Variants in FCGR3A observed in about 807,000 individuals in gnomAD.
The protein encoded by FCGR3A is low affinity immunoglobulin gamma Fc region receptor III-A.
Under a neutral mutation model 24.1 loss-of-function variants are expected in FCGR3A, and 13 were observed. That is an observed-to-expected ratio of 0.54 (90% CI 0.35 to 0.86). The LOEUF (loss-of-function observed/expected upper bound fraction) is 0.86, where lower values mean the gene tolerates loss of function less well. FCGR3A is among the 40% of genes least tolerant of loss of function. The pLI is 0.01. For missense variants in FCGR3A, 235 were observed against 298.0 expected, an observed-to-expected ratio of 0.79 and a Z score of 1.56; for synonymous variants, 93 against 112.2, an observed-to-expected ratio of 0.83 and a Z score of 1.08.
At chr1:161,546,944 A>C (rs12731677) in intron 3 of FCGR3A, among the ~76,000 whole-genome samples, 2 of 151,948 alleles carry the variant, frequency 1.3e-5, no homozygotes, top group African/African-American at 2.4e-5. Context: ...AACAAACAAA[A>C]AAAGAAGTAA....
At chr1:161,549,395 G>A (rs1346309463) in intron 1 of FCGR3A, among the ~76,000 whole-genome samples, 1 of 152,054 alleles carries the variant, frequency 6.6e-6, no homozygotes, top group Non-Finnish European at 1.5e-5. Context: ...ACCCTGGAAT[G>A]TCAAACTGAA....
chr1:161,544,908 T>G lies in FCGR3A; in HGVS notation c.370A>C (p.Ile124Leu), dbSNP rs750026998. The G allele has an allele frequency of 2.5e-6, 4 of 1,613,258 alleles. No individual in the cohort carries two copies. The highest frequency in any genetic ancestry group is 3.4e-6 in the Non-Finnish European group (4 of 1,179,516). The change falls in exon 4 of 5, where the codon ATT becomes CTT. Residue 124 changes from isoleucine to leucine, a missense_variant. Ile to Leu is a conservative substitution (Grantham distance 5, BLOSUM62 2). Transcript: ENST00000443193. ...TTCCAGCTGTGACACCTCAGGTGAA[T>G]AGGGTCTTCCTCCTTGAACACCCAC... ...PRWVFKEEDP[I>L]HLRCHSWKNT...
chr1:161,548,247 C>T, intron 3 of FCGR3A, among the ~76,000 whole-genome samples, 174 bp downstream of exon 3: 1 of 152,296 alleles, frequency 6.6e-6, no homozygotes, highest in East Asian at 1.9e-4. Flanking sequence ...TGACATTTTG[C>T]CCAAGACCTA....
At chr1:161,550,086 C>T (rs537294345), upstream of FCGR3A, 444 of 576,660 alleles carry the variant, frequency 7.7e-4, no homozygotes, top group Non-Finnish European at 7.6e-4. Context: ...GGATTTGGAT[C>T]CACCCAGCAC....
chr1:161,546,221 C>A (rs6672453), intron 3 of FCGR3A, among the ~76,000 whole-genome samples: 16,098 of 151,960 alleles, frequency 0.11, 932 homozygotes, highest in Middle Eastern at 0.18. Context: ...TATCATTTAT[C>A]AAAAGAAGCC....
In FCGR3A at chr1:161,544,934, C is replaced by G; in HGVS notation, c.344G>C (p.Arg115Pro). ...AGGGTCTTCCTCCTTGAACACCCACCGAGGGGCCTGGAGCAACAGCCAGCC... is the reference window on the plus strand; with the variant it reads ...AGGGTCTTCCTCCTTGAACACCCACGGAGGGGCCTGGAGCAACAGCCAGCC... ...HIGWLLLQAP[R>P]WVFKEEDPIH... Residue 115 changes from arginine (R) to proline (P), a missense_variant, in exon 4 of 5, where the codon CGG becomes CCG. Transcript: ENST00000443193. 1 of 1,611,402 alleles carries G rather than the reference C, an allele frequency of 6.2e-7. No homozygotes were observed. Among genetic ancestry groups the G allele is most frequent in the Non-Finnish European group, 8.5e-7 (1 of 1,178,118 alleles).
At chr1:161,549,831 GC>G (rs760309582), upstream of FCGR3A, 4 of 1,613,330 alleles carry the variant, frequency 2.5e-6, no homozygotes, top group Admixed American at 6.7e-5. Context: ...CCTTTCCCCA[GC>G]CCCTCCACCC....
At chr1:161,548,702 G>T in intron 2 of FCGR3A, 24 bp from the exon 3 acceptor site, 4 of 1,613,688 alleles carry the variant, frequency 2.5e-6, no homozygotes, top group East Asian at 2.2e-5. Flanking sequence ...ATAATGTGGG[G>T]TGAGGACAGG....
chr1:161,542,972 T>G lies in FCGR3A; in HGVS notation c.*40A>C. 1 of 1,510,440 alleles carries G rather than the reference T, an allele frequency of 6.6e-7. No individual in the cohort carries two copies. The highest frequency in any genetic ancestry group is 9.0e-7 in the Non-Finnish European group (1 of 1,106,012). 93.6% of individuals were successfully genotyped at this position (1,510,440 alleles called of 1,614,324 possible). A position where few individuals can be genotyped will look rare whatever the true frequency, so the allele number is the denominator to read the frequency against. The stretch of plus-strand genomic sequence containing the variant: ...GCAAATCCAGAGAAATGTTCAGAGA[T>G]GCTGCTGCTACTGCTCTTATTACCC... On this transcript the variant is annotated 3_prime_UTR_variant, in exon 5 of 5. Coordinates refer to ENST00000443193, the MANE Select transcript of FCGR3A (RefSeq NM_000569.8).
In FCGR3A at chr1:161,546,203, T is replaced by G. The variant is rs570899579; in HGVS notation, c.320-1245A>C. On this transcript the variant is annotated intron_variant, in intron 3 of 4. Transcript: ENST00000443193. ...AACAGAAAGTAATCTTCATTACCTA[T>G]TAAGAGATATCATTTATCAAAAGAA... Among the ~76,000 whole-genome samples, 45 of 152,214 alleles carry G rather than the reference T, an allele frequency of 3.0e-4. 1 individual carries two copies. The South Asian group carries it at 8.9e-3, about 30-fold the overall frequency.
chr1:161,544,618 C>G, intron 4 of FCGR3A, 83 bp downstream of exon 4: 1 of 1,507,670 alleles, frequency 6.6e-7, no homozygotes, highest in Non-Finnish European at 9.0e-7. Context: ...AATCAGGAAT[C>G]TCCTCCCAAC....
intron 3 of FCGR3A, among the ~76,000 whole-genome samples, chr1:161,546,412 C>G (rs1319236930): frequency 1.3e-5 from 2 of 152,032 alleles, no homozygotes; most frequent in Non-Finnish European, 2.9e-5. Flanking sequence ...CAAGCACTCA[C>G]TATGTATGAC....
intron 1 of FCGR3A, 122 bp downstream of exon 1, chr1:161,549,575 G>C: frequency 1.3e-6 from 2 of 1,497,222 alleles, no homozygotes; most frequent in Non-Finnish European, 1.8e-6. Context: ...TCAATCCACA[G>C]CTATAGATGT....
chr1:161,543,094 G>C lies in FCGR3A; in HGVS notation c.683C>G (p.Ser228Cys), dbSNP rs1395507648. The change falls in exon 5 of 5, where the codon TCT becomes TGT. Residue 228 changes from serine to cysteine, a missense_variant. Ser to Cys is a moderately radical substitution (Grantham distance 112). Transcript: ENST00000443193. ...LFAVDTGLYF[S>C]VKTNIRSSTR... ...TGAGCTTCGAATGTTTGTCTTCACA[G>C]AGAAATATAGTCCTGTGTCCACTGC... The C allele has an allele frequency of 6.2e-7, 1 of 1,613,260 alleles. No homozygotes were observed. The highest frequency in any genetic ancestry group is 1.3e-5 in the African/African-American group (1 of 74,790).
At chr1:161,546,946 A>G (rs1254634495) in intron 3 of FCGR3A, among the ~76,000 whole-genome samples, 1 of 151,948 alleles carries the variant, frequency 6.6e-6, no homozygotes, top group Non-Finnish European at 1.5e-5. Flanking sequence ...CAAACAAAAA[A>G]AGAAGTAAAA....
intron 3 of FCGR3A, among the ~76,000 whole-genome samples, chr1:161,547,620 T>A (rs1677484802): frequency 6.6e-6 from 1 of 152,238 alleles, no homozygotes. Flanking sequence ...TTACCAAATT[T>A]ATGCTTAATT....
rs150526085 is a variant in FCGR3A at position 161,543,066 on chromosome 1, T to C, written c.711A>G (p.Thr237=). Residue 237 remains threonine (T), a synonymous_variant, in exon 5 of 5, where the codon ACA becomes ACG. Transcript: ENST00000443193. Reference sequence around the variant, plus strand: ...TAAATTTATGGTCCTTCCAGTCTCTTGTTGAGCTTCGAATGTTTGTCTTCA... The same window carrying C: ...TAAATTTATGGTCCTTCCAGTCTCTCGTTGAGCTTCGAATGTTTGTCTTCA... ...FSVKTNIRSS[T]RDWKDHKFKW... 20 of 1,613,320 alleles carry C rather than the reference T, an allele frequency of 1.2e-5. No homozygotes were observed. In the Middle Eastern group the frequency reaches 4.9e-4, roughly 40 times the overall value.
Position 161,549,766 on chromosome 1 carries a change from A to C in FCGR3A, c.-30T>G, listed in dbSNP as rs540601376. 3.7e-5 allele frequency: 60 copies of C among 1,613,934 alleles called. No homozygotes were observed. Among genetic ancestry groups the C allele is most frequent in the Non-Finnish European group, 5.1e-5 (60 of 1,179,912 alleles). On this transcript the variant is annotated 5_prime_UTR_variant, in exon 1 of 5. Coordinates refer to ENST00000443193, the MANE Select transcript of FCGR3A (RefSeq NM_000569.8). Reference sequence around the variant, plus strand: ...CCACACTGGAGTGGACAAGTCACCAAAGATATCCGGAGCCCTAAAGGGACC... The same window carrying C: ...CCACACTGGAGTGGACAAGTCACCACAGATATCCGGAGCCCTAAAGGGACC...
Position 161,542,891 on chromosome 1 carries a change from G to T in FCGR3A, c.*121C>A. 2.6e-6 allele frequency: 2 copies of T among 775,028 alleles called. No individual in the cohort carries two copies. The highest frequency in any genetic ancestry group is 4.1e-6 in the Non-Finnish European group (2 of 484,230). The allele number at this position is 775,028 out of a possible 1,614,324, so 48.0% of individuals were successfully genotyped here. A position where few individuals can be genotyped will look rare whatever the true frequency, so the allele number is the denominator to read the frequency against. Reference sequence around the variant, plus strand: ...AAGTCGAGAGTTGGATAAGGGATCTGGCTCTGAGTTCTATGTTTCCTGCTG... The same window carrying T: ...AAGTCGAGAGTTGGATAAGGGATCTTGCTCTGAGTTCTATGTTTCCTGCTG... On this transcript the variant is annotated 3_prime_UTR_variant, in exon 5 of 5. Coordinates refer to ENST00000443193, the MANE Select transcript of FCGR3A (RefSeq NM_000569.8).
Sources: gnomAD v4.1 joint callset for allele counts (sites outside exome capture counted in the v4.1 genomes callset) on GRCh38, gnomAD v4.1.1 for gene constraint, MANE v1.5 for transcripts, NCBI Gene and HGNC (gene_info 2026-07-23, HGNC 2026-07-21) for gene names.